PRAMEF2: variants seen among roughly 807,000 people sequenced by gnomAD.
PRAMEF2 encodes the protein PRAME family member 2.
A neutral mutation model predicts 38.0 loss-of-function variants in PRAMEF2; 35 were observed. The observed-to-expected ratio is 0.92, with a 90% CI of 0.70 to 1.22. The LOEUF (loss-of-function observed/expected upper bound fraction) is 1.22. Ranked by LOEUF, PRAMEF2 falls within the 50% of genes most tolerant of loss-of-function variation. PRAMEF2 has a pLI of 0.00. For missense variants in PRAMEF2, 562 were observed against 553.9 expected (o/e 1.01, Z -0.15); for synonymous variants, 240 against 232.4 (o/e 1.03, Z -0.30).
At chr1:12,857,949 T>A (rs975865368) in intron 1 of PRAMEF2, among the ~76,000 whole-genome samples, 1 of 146,162 alleles carries the variant, frequency 6.8e-6, no homozygotes, top group Non-Finnish European at 1.5e-5. Flanking sequence ...TCTGCCCCCC[T>A]CAGACTCCCA....
rs371518697 is a variant in PRAMEF2 at position 12,861,786 on chromosome 1, C to T, written c.*7C>T. 1.3e-4 allele frequency: 212 copies of T among 1,586,736 alleles called. 3 individuals carry two copies. The African/African-American group carries it at 2.2e-3, about 16-fold the overall frequency. ...GCTCCATCTTTGCTGCTAGGGAAGG[C>T]GTGCCCAGTGGGGTAGAGAAATCCA... On this transcript the variant is annotated 3_prime_UTR_variant, in exon 4 of 4. Transcript: ENST00000240189.
At position 12,861,328 on chromosome 1, in the gene PRAMEF2, T is replaced by C. The variant is rs1243435655; in HGVS notation, c.974T>C (p.Leu325Pro). ...CCAAGCCTCGGTTACCTAAAGCATC[T>C]GAATCTCAGCTACGTGCTGCTGTTC... Reference protein sequence around the residue: ...QFPSLGYLKHLNLSYVLLFRI... With the variant: ...QFPSLGYLKHPNLSYVLLFRI... The change falls in exon 4 of 4, where the codon CTG becomes CCG. Residue 325 changes from leucine (L) to proline (P), a missense_variant. Physicochemically the swap from Leu to Pro is moderately conservative, Grantham distance 98. Coordinates refer to ENST00000240189, the MANE Select transcript of PRAMEF2 (RefSeq NM_023014.1). 6.2e-7 allele frequency: 1 copy of C among 1,606,950 alleles called. No individual in the cohort carries two copies. Among genetic ancestry groups the C allele is most frequent in the Non-Finnish European group, 8.5e-7 (1 of 1,176,702 alleles).
chr1:12,860,471 G>C (rs1029810548), intron 3 of PRAMEF2, among the ~76,000 whole-genome samples, 200 bp downstream of exon 3: 2 of 150,056 alleles, frequency 1.3e-5, no homozygotes, highest in South Asian at 2.1e-4. Flanking sequence ...AGGGCAGAGG[G>C]GTCACCTGGG....
At position 12,859,848 on chromosome 1, in the gene PRAMEF2, A is replaced by T. The variant is rs557106185; in HGVS notation, c.443A>T (p.Lys148Met). 6.2e-6 allele frequency: 10 copies of T among 1,607,478 alleles called. No individual in the cohort carries two copies. The highest frequency in any genetic ancestry group is 8.5e-6 in the Non-Finnish European group (10 of 1,177,524). ...AGGACGGGAGAGCACCAGCCCTTAA[A>T]GGTGTTCATAGACATCTGCCTCAAG... Reference protein sequence around the residue: ...CPRTGEHQPLKVFIDICLKEI... With the variant: ...CPRTGEHQPLMVFIDICLKEI... The change falls in exon 3 of 4, where the codon AAG (lysine) becomes ATG (methionine). Residue 148 changes from lysine (K) to methionine (M), a missense_variant. Lys to Met is a moderately conservative substitution (Grantham distance 95). Coordinates refer to ENST00000240189, the MANE Select transcript of PRAMEF2 (RefSeq NM_023014.1).
In PRAMEF2 at chr1:12,859,373, A is replaced by G. The variant is rs77979014; in HGVS notation, c.287+77A>G. The G allele has an allele frequency of 1.8e-4, 281 of 1,601,710 alleles. 5 individuals are homozygous for G. Among genetic ancestry groups the G allele is most frequent in the South Asian group, 5.0e-4 (45 of 90,266 alleles). On this transcript the variant is annotated intron_variant, in intron 2 of 3. Transcript: ENST00000240189. ...AACAGCAGGGTCAGGCAGAGAAGTA[A>G]CCCAAGTGCGGCCCAGAGTCTTCTG...
intron 3 of PRAMEF2, among the ~76,000 whole-genome samples, 180 bp downstream of exon 3, chr1:12,860,451 C>T (rs1368857513): frequency 2.7e-5 from 4 of 150,004 alleles, no homozygotes; most frequent in Admixed American, 1.4e-4. Flanking sequence ...ATCACAGGAT[C>T]GCTCCAATAA....
At position 12,861,100 on chromosome 1, in the gene PRAMEF2, A is replaced by G. The variant is rs1253072514; in HGVS notation, c.867-121A>G. On this transcript the variant is annotated intron_variant, in intron 3 of 3. Coordinates refer to ENST00000240189, the MANE Select transcript of PRAMEF2 (RefSeq NM_023014.1). The stretch of plus-strand genomic sequence containing the variant: ...TCATGCAGCAACTTCCATGAGGACC[A>G]TCATCAGATGGTGGGAACAAACTTG... The G allele has an allele frequency of 1.4e-4, 171 of 1,193,346 alleles. 7 individuals carry two copies. Among genetic ancestry groups the G allele is most frequent in the Non-Finnish European group, 1.9e-4 (162 of 842,426 alleles). 73.9% of individuals were successfully genotyped at this position (1,193,346 alleles called of 1,614,324 possible). A position where few individuals can be genotyped will look rare whatever the true frequency, so the allele number is the denominator to read the frequency against.
At chr1:12,861,030 G>C (rs1490044827) in intron 3 of PRAMEF2, among the ~76,000 whole-genome samples, 191 bp from the exon 4 acceptor site, 1 of 149,704 alleles carries the variant, frequency 6.7e-6, no homozygotes, top group Non-Finnish European at 1.5e-5. Context: ...ATGGTGAAAG[G>C]GCTGAGGCTA....
In PRAMEF2 at chr1:12,861,760, A is replaced by C. The variant is rs768090555; in HGVS notation, c.1406A>C (p.Glu469Ala). 1.6e-5 allele frequency: 25 copies of C among 1,593,634 alleles called. 1 individual carries two copies. In the South Asian group the frequency reaches 2.8e-4, roughly 18 times the overall value. ...SCGSSPSEEL[E>A]LHLCC ...GGCTCATCACCGTCTGAGGAACTGGAGCTCCATCTTTGCTGCTAGGGAAGG... is the reference window on the plus strand; with the variant it reads ...GGCTCATCACCGTCTGAGGAACTGGCGCTCCATCTTTGCTGCTAGGGAAGG... The change falls in exon 4 of 4, where the codon GAG becomes GCG. Residue 469 changes from glutamate (E) to alanine (A), a missense_variant. Glu to Ala is a moderately radical substitution (Grantham distance 107). Coordinates refer to ENST00000240189, the MANE Select transcript of PRAMEF2 (RefSeq NM_023014.1).
intron 1 of PRAMEF2, among the ~76,000 whole-genome samples, 185 bp downstream of exon 1, chr1:12,857,332 T>C: frequency 6.7e-6 from 1 of 149,922 alleles, no homozygotes; most frequent in East Asian, 2.0e-4. Context: ...GATTTGTGCT[T>C]GGTTTTTGTC....
intron 3 of PRAMEF2, 90 bp from the exon 4 acceptor site, chr1:12,861,131 G>C: frequency 7.1e-7 from 1 of 1,407,422 alleles, no homozygotes; most frequent in African/African-American, 1.4e-5. Flanking sequence ...ACTTGTGTTT[G>C]GTTGAAGCAG....
rs527987435 is a variant in PRAMEF2 at position 12,858,023 on chromosome 1, T to A, written c.-26+876T>A. Reference sequence around the variant, plus strand: ...TACAGTTAGCATTTCTATACATACCTTCCAAATGCTGTGGAATACCATCAC... The same window carrying A: ...TACAGTTAGCATTTCTATACATACCATCCAAATGCTGTGGAATACCATCAC... On this transcript the variant is annotated intron_variant, in intron 1 of 3. Transcript: ENST00000240189. Among the ~76,000 whole-genome samples, 2 of 147,922 alleles carry A rather than the reference T, an allele frequency of 1.4e-5. 1 individual carries two copies. The highest frequency in any genetic ancestry group is 4.0e-4 in the East Asian group (2 of 5,054).
intron 3 of PRAMEF2, among the ~76,000 whole-genome samples, chr1:12,860,663 C>T (rs1308818988): frequency 6.7e-6 from 1 of 149,868 alleles, no homozygotes; most frequent in African/African-American, 2.4e-5. Context: ...CACAATAGAA[C>T]GTCTGTCCTC....
At position 12,858,910 on chromosome 1, in the gene PRAMEF2, T is replaced by C. The variant is rs1640490712; in HGVS notation, c.-25-75T>C. The stretch of plus-strand genomic sequence containing the variant: ...TTTTCTACCTCTACCAGAGCAATGA[T>C]ATTGGTCCTAGGAGAAGATGAGGTG... On this transcript the variant is annotated intron_variant, in intron 1 of 3. Coordinates refer to ENST00000240189, the MANE Select transcript of PRAMEF2 (RefSeq NM_023014.1). 2.7e-6 allele frequency: 4 copies of C among 1,471,468 alleles called. No homozygotes were observed. The South Asian group carries it at 5.1e-5, about 19-fold the overall frequency. The allele number at this position is 1,471,468 out of a possible 1,614,324, so 91.2% of individuals were successfully genotyped here.
intron 3 of PRAMEF2, among the ~76,000 whole-genome samples, chr1:12,860,730 T>G (rs568518687): frequency 1.3e-5 from 2 of 150,436 alleles, no homozygotes; most frequent in East Asian, 3.9e-4. Flanking sequence ...CAAAACGTTG[T>G]TTTGAACTCC....
intron 3 of PRAMEF2, 35 bp downstream of exon 3, chr1:12,860,306 C>T (rs1640526472): frequency 6.2e-7 from 1 of 1,603,548 alleles, no homozygotes; most frequent in African/African-American, 1.3e-5. Flanking sequence ...ATGCAGACCA[C>T]AGCACAGACT....
At position 12,861,316 on chromosome 1, in the gene PRAMEF2, A is replaced by T; in HGVS notation, c.962A>T (p.Tyr321Phe). ...KCLSQFPSLG[Y>F]LKHLNLSYVL... ...CTCTCCCAGTTCCCAAGCCTCGGTT[A>T]CCTAAAGCATCTGAATCTCAGCTAC... The change falls in exon 4 of 4, where the codon TAC (tyrosine) becomes TTC (phenylalanine). Residue 321 changes from tyrosine (Y) to phenylalanine (F), a missense_variant. Physicochemically the swap from Tyr to Phe is conservative, Grantham distance 22. This residue lies in a region of PRAMEF2 where 486 missense variants were observed against 444.2 expected (regional missense o/e 1.09). Coordinates refer to ENST00000240189, the MANE Select transcript of PRAMEF2 (RefSeq NM_023014.1). 6.2e-7 allele frequency: 1 copy of T among 1,607,056 alleles called. No individual in the cohort carries two copies. The highest frequency in any genetic ancestry group is 8.5e-7 in the Non-Finnish European group (1 of 1,176,692).
At chr1:12,858,880 G>T in intron 1 of PRAMEF2, 105 bp from the exon 2 acceptor site, 3 of 1,326,184 alleles carry the variant, frequency 2.3e-6, no homozygotes, top group Non-Finnish European at 2.1e-6. Context: ...GGGTAAAGTG[G>T]TAATTTTTCT....
chr1:12,859,883 C>T lies in PRAMEF2; in HGVS notation c.478C>T (p.Gln160Ter). The change falls in exon 3 of 4, where the codon CAG becomes TAG. Residue 160 changes from glutamine to a stop codon, truncating the protein, a stop_gained. Coordinates refer to ENST00000240189, the MANE Select transcript of PRAMEF2 (RefSeq NM_023014.1). LOFTEE classifies it high-confidence loss of function. ...FIDICLKEIP[Q>*]DECLRYLFQW... The stretch of plus-strand genomic sequence containing the variant: ...AGACATCTGCCTCAAGGAAATACCC[C>T]AGGATGAATGCCTGAGATACCTCTT... The T allele has an allele frequency of 6.2e-7, 1 of 1,608,184 alleles. No individual in the cohort carries two copies. The highest frequency in any genetic ancestry group is 1.1e-5 in the South Asian group (1 of 90,832).
Sources: allele counts gnomAD v4.1 joint callset (sites outside exome capture counted in the v4.1 genomes callset), GRCh38; gene constraint gnomAD v4.1.1; regional missense constraint gnomAD v4.1.1; transcripts MANE v1.5; gene names NCBI Gene and HGNC (gene_info 2026-07-23, HGNC 2026-07-21).